The following INTS10 variants were observed in gnomAD, a reference collection of about 807,000 sequenced individuals.
The protein encoded by INTS10 is integrator complex subunit 10, also known as chromosome 8 open reading frame 35.
In INTS10, 44 loss-of-function variants were observed where a neutral mutation model predicts 94.4. The observed-to-expected ratio is 0.47, with a 90% CI of 0.37 to 0.60. INTS10 has a LOEUF of 0.60. Ranked by LOEUF, INTS10 falls within the 20% of genes least tolerant of loss-of-function variation. The pLI, the probability that INTS10 is intolerant of heterozygous loss-of-function variation, is 0.00. For missense variants in INTS10, 797 were observed against 868.7 expected (o/e 0.92, Z 1.04); for synonymous variants, 341 against 320.7 (o/e 1.06, Z -0.68).
chr8:19,842,800 A>G (rs754935388), intron 13 of INTS10, 48 bp from the exon 14 acceptor site: 29 of 1,296,360 alleles, frequency 2.2e-5, no homozygotes, highest in South Asian at 6.2e-5. Context: ...CAAAGCTGTT[A>G]TCTTTGATAA....
At position 19,817,515 on chromosome 8, in the gene INTS10, G is replaced by A; in HGVS notation, c.-23G>A. The A allele has an allele frequency of 5.6e-6, 9 of 1,599,984 alleles. No homozygotes were observed. Among genetic ancestry groups the A allele is most frequent in the Non-Finnish European group, 7.7e-6 (9 of 1,174,800 alleles). The stretch of plus-strand genomic sequence containing the variant: ...CCGGACGTTCCGGCCGCTTCGGGCT[G>A]GCGGCTGGAGAGCGCTCGGGTCATG... On this transcript the variant is annotated 5_prime_UTR_variant, in exon 1 of 17. Transcript: ENST00000397977.
intron 13 of INTS10, among the ~76,000 whole-genome samples, chr8:19,837,680 G>A (rs1191154956): frequency 6.6e-6 from 1 of 152,102 alleles, no homozygotes; most frequent in Non-Finnish European, 1.5e-5. Context: ...AAAATGAAAT[G>A]TACAGCTGAT....
At chr8:19,832,160 T>C (rs2067281061) in intron 11 of INTS10, 50 bp downstream of exon 11, 1 of 1,018,224 alleles carries the variant, frequency 9.8e-7, no homozygotes, top group African/African-American at 1.6e-5. Context: ...AGCATGGCTA[T>C]GGTGGCAAAC....
In INTS10 at chr8:19,844,152, G is replaced by A. The variant is rs764096131; in HGVS notation, c.1796G>A (p.Arg599Gln). The part of the protein sequence containing the change: ...VIVLLQQEWP[R>Q]GENLFLKAVN... ...GTGTTGCTTCAGCAAGAGTGGCCAC[G>A]GGGCGAGAATCTTTTCCTGAAAGCT... Residue 599 changes from arginine (R) to glutamine (Q), a missense_variant, in exon 15 of 17, where the codon CGG (arginine) becomes CAG (glutamine). By Grantham distance (43) the Arg-to-Gln change is conservative. This residue lies in a region of INTS10 where 734 missense variants were observed against 787.8 expected (regional missense o/e 0.93). Coordinates refer to ENST00000397977, the MANE Select transcript of INTS10 (RefSeq NM_018142.4). The A allele has an allele frequency of 4.3e-5, 69 of 1,613,726 alleles. No homozygotes were observed. The highest frequency in any genetic ancestry group is 8.9e-5 in the East Asian group (4 of 44,890).
intron 13 of INTS10, among the ~76,000 whole-genome samples, chr8:19,839,095 A>T (rs1050477892): frequency 1.3e-5 from 2 of 152,022 alleles, no homozygotes; most frequent in Non-Finnish European, 2.9e-5. Flanking sequence ...AACAAACAAA[A>T]ATCAGTGTAA....
At chr8:19,827,078 G>A (rs141515635) in intron 9 of INTS10, among the ~76,000 whole-genome samples, 4 of 152,182 alleles carry the variant, frequency 2.6e-5, no homozygotes, top group East Asian at 1.9e-4. Context: ...GCTGAAAGGC[G>A]AAGGGTTTTG....
chr8:19,850,603 T>C (rs2128818523), intron 16 of INTS10, among the ~76,000 whole-genome samples: 2 of 152,318 alleles, frequency 1.3e-5, no homozygotes, highest in Middle Eastern at 3.4e-3. Flanking sequence ...ATTTTAACAC[T>C]TTTATCTTGC....
intron 11 of INTS10, among the ~76,000 whole-genome samples, chr8:19,832,920 C>G (rs886579203): frequency 1.3e-5 from 2 of 152,118 alleles, no homozygotes; most frequent in Admixed American, 6.5e-5. Context: ...TCTTTAGTCT[C>G]GAGACCTAAG....
rs1391633760 is a variant in INTS10 at position 19,849,147 on chromosome 8, T to C, written c.1977-2502T>C. 2.4e-6 allele frequency: 3 copies of C among 1,274,534 alleles called. No homozygotes were observed. The South Asian group carries it at 3.7e-5, about 16-fold the overall frequency. 79.0% of individuals were successfully genotyped at this position (1,274,534 alleles called of 1,614,324 possible). The stretch of plus-strand genomic sequence containing the variant: ...GTGTGGGTGTTTGAATGCTGCTGTT[T>C]GCTGTTTTTTAAAGGCCTTCTAGCC... On this transcript the variant is annotated intron_variant, in intron 16 of 16. Coordinates refer to ENST00000397977, the MANE Select transcript of INTS10 (RefSeq NM_018142.4). This position sits in a 1 kb window ranked among gnomAD's most constrained non-coding sequence, Gnocchi z 4.6.
At chr8:19,823,074 G>C (rs762233453) in intron 5 of INTS10, among the ~76,000 whole-genome samples, 14 of 152,110 alleles carry the variant, frequency 9.2e-5, no homozygotes, top group Admixed American at 2.0e-4. Flanking sequence ...GAATTCAATG[G>C]AAGAACTGGA....
rs967189926 is a variant in INTS10 at position 19,851,032 on chromosome 8, C to T, written c.1977-617C>T. Among the ~76,000 whole-genome samples, 7 of 152,156 alleles carry T rather than the reference C, an allele frequency of 4.6e-5. No individual in the cohort carries two copies. The highest frequency in any genetic ancestry group is 1.4e-4 in the African/African-American group (6 of 41,420). On this transcript the variant is annotated intron_variant, in intron 16 of 16. Transcript: ENST00000397977. This position sits in a 1 kb window ranked among gnomAD's most constrained non-coding sequence, Gnocchi z 5.0. ...GTGCCACATTCTTGTGTCAGGACCC[C>T]ACCTCCCGCTGCGTTTTCTTCAACA...
rs2069070063 is a variant in INTS10, at chr8:19,851,944, T to C, written c.*139T>C. ...AACCATCTGAGTTCTAACTCCTTGG[T>C]TGCTTAAAAGTAGTTCCCAAGAGTC... On this transcript the variant is annotated 3_prime_UTR_variant, in exon 17 of 17. Coordinates refer to ENST00000397977, the MANE Select transcript of INTS10 (RefSeq NM_018142.4). This position sits in a 1 kb window ranked among gnomAD's most constrained non-coding sequence, Gnocchi z 5.0. 2 of 641,312 alleles carry C rather than the reference T, an allele frequency of 3.1e-6. No homozygotes were observed. The highest frequency in any genetic ancestry group is 1.8e-5 in the African/African-American group (1 of 55,426). The allele number at this position is 641,312 out of a possible 1,614,324, so 39.7% of individuals were successfully genotyped here. A position where few individuals can be genotyped will look rare whatever the true frequency, so the allele number is the denominator to read the frequency against.
intron 6 of INTS10, among the ~76,000 whole-genome samples, 157 bp from the exon 7 acceptor site, chr8:19,823,716 A>G (rs1188161967): frequency 6.6e-6 from 1 of 152,202 alleles, no homozygotes; most frequent in Admixed American, 6.5e-5. Context: ...CTTCTTGCTT[A>G]TACCAGTGGC....
In INTS10 at chr8:19,844,161, A is replaced by C; in HGVS notation, c.1805A>C (p.Asn602Thr). 1 of 1,613,964 alleles carries C rather than the reference A, an allele frequency of 6.2e-7. No individual in the cohort carries two copies. The highest frequency in any genetic ancestry group is 1.1e-5 in the South Asian group (1 of 91,084). The change falls in exon 15 of 17, where the codon AAT (asparagine) becomes ACT (threonine). Residue 602 changes from asparagine to threonine, a missense_variant. Asn to Thr is a moderately conservative substitution (Grantham distance 65). Around this residue, in one of 3 missense-constraint regions of INTS10, gnomAD observed 734 missense variants for 787.8 expected, o/e 0.93. Transcript: ENST00000397977. The stretch of plus-strand genomic sequence containing the variant: ...CAGCAAGAGTGGCCACGGGGCGAGA[A>C]TCTTTTCCTGAAAGCTGTCAATAAA... ...LLQQEWPRGE[N>T]LFLKAVNKIC...
intron 13 of INTS10, among the ~76,000 whole-genome samples, chr8:19,840,733 CTATA>C (rs144331162): frequency 0.012 from 1,765 of 151,964 alleles, 31 homozygotes; most frequent in African/African-American, 0.04. Context: ...TTGAAGTTTT[CTATA>C]ACAAATGGTC....
intron 2 of INTS10, chr8:19,818,975 A>T (rs2066156572): frequency 6.6e-6 from 1 of 152,436 alleles, no homozygotes; most frequent in Non-Finnish European, 1.5e-5. Context: ...TTTTCTGTGG[A>T]ATAGATTCTA....
intron 9 of INTS10, among the ~76,000 whole-genome samples, chr8:19,829,177 C>G (rs2067040520): frequency 1.3e-5 from 2 of 152,084 alleles, no homozygotes; most frequent in Admixed American, 1.3e-4. Context: ...GGTACATGTG[C>G]ACAACGTGCA....
At chr8:19,836,374 C>T (rs1417447624) in intron 12 of INTS10, among the ~76,000 whole-genome samples, 1 of 152,114 alleles carries the variant, frequency 6.6e-6, no homozygotes, top group African/African-American at 2.4e-5. Flanking sequence ...CTGTCTGGAT[C>T]AAGGGCAGCC....
intron 4 of INTS10, chr8:19,820,966 A>G (rs1374123168): frequency 6.5e-6 from 1 of 153,064 alleles, no homozygotes; most frequent in African/African-American, 2.4e-5. Flanking sequence ...GGTATCTCCT[A>G]TCTTCCTAAA....
Sources: allele counts gnomAD v4.1 joint callset (sites outside exome capture counted in the v4.1 genomes callset), GRCh38; gene constraint gnomAD v4.1.1; regional missense constraint gnomAD v4.1.1; non-coding constraint Gnocchi (gnomAD v3.1); transcripts MANE v1.5; gene names NCBI Gene and HGNC (gene_info 2026-07-23, HGNC 2026-07-21).